DPP10: variants seen among roughly 807,000 people sequenced by gnomAD.
The protein encoded by DPP10 is inactive dipeptidyl peptidase 10.
In DPP10, 33 loss-of-function variants were observed where a neutral mutation model predicts 120.9. The observed-to-expected ratio is 0.27, with a 90% CI of 0.21 to 0.37. DPP10 has a LOEUF of 0.37. Ranked by LOEUF, DPP10 falls within the 10% of genes least tolerant of loss-of-function variation. DPP10 has a pLI of 1.00. For missense variants in DPP10, 816 were observed against 942.8 expected, an observed-to-expected ratio of 0.87 and a Z score of 1.76; for synonymous variants, 337 against 326.1, an observed-to-expected ratio of 1.03 and a Z score of -0.36.
intron 3 of DPP10, among the ~76,000 whole-genome samples, chr2:115,409,973 A>C (rs1054874532): frequency 6.6e-6 from 1 of 152,232 alleles, no homozygotes; most frequent in Non-Finnish European, 1.5e-5. Context: ...GAGGATACAA[A>C]GGCATAAGAA....
At chr2:114,814,569 G>A (rs1025956050) in intron 1 of DPP10, among the ~76,000 whole-genome samples, 2 of 151,964 alleles carry the variant, frequency 1.3e-5, no homozygotes, top group African/African-American at 2.4e-5. Flanking sequence ...GCACTGGCAC[G>A]TTTGAGGCAC....
chr2:115,692,636 G>C (rs2149506213), intron 7 of DPP10, among the ~76,000 whole-genome samples: 1 of 151,944 alleles, frequency 6.6e-6, no homozygotes, highest in African/African-American at 2.4e-5. Flanking sequence ...AATCCTCTAG[G>C]CTTTTTTAAA....
chr2:115,083,649 T>C (rs1708460303), intron 1 of DPP10, among the ~76,000 whole-genome samples: 1 of 145,412 alleles, frequency 6.9e-6, no homozygotes, highest in Non-Finnish European at 1.5e-5. Flanking sequence ...TATTCTAAAC[T>C]TAGCTGTCAA....
chr2:115,601,056 A>G (rs1403886830), intron 5 of DPP10, among the ~76,000 whole-genome samples: 1 of 152,102 alleles, frequency 6.6e-6, no homozygotes, highest in African/African-American at 2.4e-5. Context: ...ATCATCTTCA[A>G]GTCTTTTCTA....
At chr2:114,993,776 T>A (rs941613731) in intron 1 of DPP10, among the ~76,000 whole-genome samples, 1 of 152,060 alleles carries the variant, frequency 6.6e-6, no homozygotes, top group Non-Finnish European at 1.5e-5. Context: ...TATGTGTGTG[T>A]GTTTTTATAC....
chr2:115,316,502 A>G (rs1264419280), intron 2 of DPP10, among the ~76,000 whole-genome samples: 1 of 152,158 alleles, frequency 6.6e-6, no homozygotes, highest in East Asian at 1.9e-4. Flanking sequence ...GAGGTGTAAA[A>G]ATTTGGACAA....
intron 1 of DPP10, among the ~76,000 whole-genome samples, chr2:114,526,918 T>A (rs1237787987): frequency 6.6e-6 from 1 of 152,202 alleles, no homozygotes; most frequent in Non-Finnish European, 1.5e-5. Flanking sequence ...GGTCTTAGTT[T>A]CAAATAGTTA....
intron 13 of DPP10, among the ~76,000 whole-genome samples, chr2:115,772,797 G>A (rs746776216): frequency 5.9e-5 from 9 of 152,116 alleles, no homozygotes; most frequent in Admixed American, 2.6e-4. Flanking sequence ...TTTATCAAAG[G>A]TATAGCACCT....
At chr2:115,161,903 TC>T in intron 1 of DPP10, 1 of 1,414,580 alleles carries the variant, frequency 7.1e-7, no homozygotes, top group Non-Finnish European at 9.2e-7. Context: ...CAAGTGACGG[TC>T]CCCGAGTCTG....
chr2:115,204,355 G>A (rs1045301850), intron 1 of DPP10, among the ~76,000 whole-genome samples: 2 of 151,964 alleles, frequency 1.3e-5, no homozygotes, highest in Non-Finnish European at 2.9e-5. Flanking sequence ...TAGAATTCAC[G>A]GGAAGAAGGA....
intron 1 of DPP10, among the ~76,000 whole-genome samples, chr2:114,981,138 A>C (rs1287196750): frequency 6.6e-6 from 1 of 152,144 alleles, no homozygotes; most frequent in East Asian, 1.9e-4. Flanking sequence ...CTAAATGCTC[A>C]AATCCAATAA....
At chr2:115,563,132 C>T (rs1412089068) in intron 5 of DPP10, among the ~76,000 whole-genome samples, 3 of 152,168 alleles carry the variant, frequency 2.0e-5, no homozygotes, top group African/African-American at 7.2e-5. Context: ...TTAAACGTGT[C>T]AATCAGTTAC....
intron 1 of DPP10, among the ~76,000 whole-genome samples, chr2:114,660,226 G>C (rs936667683): frequency 6.6e-6 from 1 of 152,136 alleles, no homozygotes; most frequent in African/African-American, 2.4e-5. Context: ...AAACAGATGT[G>C]TACATTAAGA....
intron 5 of DPP10, among the ~76,000 whole-genome samples, chr2:115,596,919 A>G (rs1247316136): frequency 6.6e-6 from 1 of 152,220 alleles, no homozygotes; most frequent in East Asian, 1.9e-4. Flanking sequence ...TAAATGCTAG[A>G]AAGTTGTATT....
At chr2:114,653,810 ACT>A (rs1242908440) in intron 1 of DPP10, among the ~76,000 whole-genome samples, 4 of 151,870 alleles carry the variant, frequency 2.6e-5, no homozygotes, top group Non-Finnish European at 4.4e-5. Context: ...TAAAACTAAA[ACT>A]CTGTGGATTA....
At chr2:114,525,212 A>C (rs1685404374) in intron 1 of DPP10, among the ~76,000 whole-genome samples, 1 of 152,248 alleles carries the variant, frequency 6.6e-6, no homozygotes, top group Admixed American at 6.5e-5. Flanking sequence ...GCATTAACAC[A>C]AGCCTGTACC....
intron 1 of DPP10, among the ~76,000 whole-genome samples, chr2:114,592,492 T>G (rs963861835): frequency 2.0e-5 from 3 of 152,166 alleles, no homozygotes; most frequent in Admixed American, 2.0e-4. Context: ...GAGTTAAGTC[T>G]TTAGTGTTAA....
chr2:115,185,958 T>G (rs1468958874), intron 1 of DPP10, among the ~76,000 whole-genome samples: 1 of 152,212 alleles, frequency 6.6e-6, no homozygotes, highest in Non-Finnish European at 1.5e-5. Flanking sequence ...TAAAGCTGAT[T>G]ACAGCATAAC....
intron 1 of DPP10, among the ~76,000 whole-genome samples, chr2:114,846,906 C>T (rs764534814): frequency 2.4e-4 from 37 of 152,124 alleles, no homozygotes; most frequent in Non-Finnish European, 4.1e-4. Flanking sequence ...CAAAGCATTT[C>T]CTCTAAAACA....
Sources: allele counts gnomAD v4.1 joint callset (sites outside exome capture counted in the v4.1 genomes callset), GRCh38; gene constraint gnomAD v4.1.1; transcripts MANE v1.5; gene names NCBI Gene and HGNC (gene_info 2026-07-23, HGNC 2026-07-21).